The following RGS7 variants were observed in gnomAD, a reference collection of about 807,000 sequenced individuals.
RGS7 encodes regulator of G-protein signaling 7.
A neutral mutation model predicts 81.1 loss-of-function variants in RGS7; 27 were observed. The ratio of observed to expected loss-of-function variants is 0.33; its 90% CI spans 0.25 to 0.46. The LOEUF is 0.46. RGS7 is among the 20% of genes least tolerant of loss of function. The pLI is 1.00. For synonymous variants in RGS7, 208 were observed against 207.7 expected, an observed-to-expected ratio of 1.00 and a Z score of -0.01; for missense variants, 396 against 607.4, an observed-to-expected ratio of 0.65 and a Z score of 3.66.
At chr1:241,225,934 G>A (rs1558209933) in intron 2 of RGS7, among the ~76,000 whole-genome samples, 1 of 152,144 alleles carries the variant, frequency 6.6e-6, no homozygotes, top group African/African-American at 2.4e-5. Flanking sequence ...TGATCCTTTG[G>A]TACTAAACAG....
intron 18 of RGS7, among the ~76,000 whole-genome samples, chr1:240,779,784 A>G (rs1683661824): frequency 6.6e-6 from 1 of 152,208 alleles, no homozygotes; most frequent in South Asian, 2.1e-4. Flanking sequence ...GAATGATACA[A>G]GTAAATTGCT....
At chr1:241,294,076 G>A (rs2148464970) in intron 2 of RGS7, among the ~76,000 whole-genome samples, 1 of 152,340 alleles carries the variant, frequency 6.6e-6, no homozygotes, top group South Asian at 2.1e-4. Context: ...TAAAGAAAAT[G>A]TGGCACATAC....
At chr1:240,936,451 C>A in intron 5 of RGS7, 149 bp downstream of exon 5, 2 of 656,838 alleles carry the variant, frequency 3.0e-6, no homozygotes, top group Non-Finnish European at 5.4e-6. Context: ...CTTTTTATGT[C>A]TTTAGTTTAA....
chr1:240,976,847 A>G (rs1684160086), intron 4 of RGS7, among the ~76,000 whole-genome samples: 1 of 88,806 alleles, frequency 1.1e-5, no homozygotes, highest in Non-Finnish European at 2.5e-5. Context: ...TTTATCTATC[A>G]TCTATCTATC....
At chr1:240,812,383 G>A (rs1690003218) in intron 13 of RGS7, among the ~76,000 whole-genome samples, 1 of 151,214 alleles carries the variant, frequency 6.6e-6, no homozygotes, top group African/African-American at 2.4e-5. Flanking sequence ...TGTCAGGCAA[G>A]TAATAAGGGG....
At chr1:241,269,483 G>C (rs897725177) in intron 2 of RGS7, among the ~76,000 whole-genome samples, 2 of 152,232 alleles carry the variant, frequency 1.3e-5, no homozygotes, top group African/African-American at 4.8e-5. Flanking sequence ...GGTGGTAAGA[G>C]CAGTAATACA....
At position 240,868,736 on chromosome 1, in the gene RGS7, CA is replaced by C. The variant is rs1156551391; in HGVS notation, c.527+39del. ...AGTGCCTCTCTGAACAAAAAGGCCA[CA>C]ACTGGAACAAATCTTCCAAACGACT... On this transcript the variant is annotated intron_variant, in intron 8 of 18. Transcript: ENST00000440928. The surrounding 1 kb of genome is among the most constrained non-coding windows in gnomAD (Gnocchi z 5.1). The C allele has an allele frequency of 1.9e-6, 3 of 1,612,342 alleles. No homozygotes were observed. Among genetic ancestry groups the C allele is most frequent in the Non-Finnish European group, 2.5e-6 (3 of 1,178,446 alleles).
At chr1:241,268,782 TC>T (rs2077726499) in intron 2 of RGS7, among the ~76,000 whole-genome samples, 2 of 152,290 alleles carry the variant, frequency 1.3e-5, no homozygotes, top group South Asian at 2.1e-4. Context: ...GCTTTGTCCC[TC>T]CGCTGGATCA....
intron 3 of RGS7, among the ~76,000 whole-genome samples, chr1:241,002,076 A>G (rs1032530239): frequency 6.6e-6 from 1 of 152,146 alleles, no homozygotes; most frequent in Non-Finnish European, 1.5e-5. Flanking sequence ...GGTATATGAG[A>G]GTAAGAGGTA....
At chr1:241,151,277 C>T (rs774594967) in intron 2 of RGS7, among the ~76,000 whole-genome samples, 5 of 152,120 alleles carry the variant, frequency 3.3e-5, no homozygotes, top group East Asian at 1.9e-4. Flanking sequence ...GAAAGAGAGA[C>T]GGTAGCGGAT....
At chr1:241,261,196 G>A (rs147721088) in intron 2 of RGS7, among the ~76,000 whole-genome samples, 1 of 152,144 alleles carries the variant, frequency 6.6e-6, no homozygotes, top group Non-Finnish European at 1.5e-5. Flanking sequence ...GACAGGCACT[G>A]GGGAAGAGGG....
chr1:241,306,375 G>A (rs1238372709), intron 2 of RGS7, among the ~76,000 whole-genome samples: 5 of 142,810 alleles, frequency 3.5e-5, no homozygotes, highest in South Asian at 2.3e-4. Context: ...CCACACACAC[G>A]CACACACCCT....
intron 2 of RGS7, among the ~76,000 whole-genome samples, chr1:241,278,654 C>A (rs372490682): frequency 6.6e-6 from 1 of 152,176 alleles, no homozygotes; most frequent in East Asian, 1.9e-4. Context: ...CCTTTTCCAC[C>A]AGCCCACACA....
intron 3 of RGS7, among the ~76,000 whole-genome samples, chr1:241,017,182 G>A (rs1041879842): frequency 6.6e-6 from 1 of 152,058 alleles, no homozygotes; most frequent in Admixed American, 6.6e-5. Context: ...TACTACTATT[G>A]CTTTAAATGA....
intron 2 of RGS7, among the ~76,000 whole-genome samples, chr1:241,174,835 AG>A (rs2070986808): frequency 6.9e-6 from 1 of 144,776 alleles, no homozygotes; most frequent in Non-Finnish European, 1.5e-5. Context: ...AGCTCCTTTT[AG>A]TGTGTTCAGA....
rs934752104 is a variant in RGS7, at chr1:240,868,003, A to AAG, written c.609+582_609+583dup. The stretch of plus-strand genomic sequence containing the variant: ...GCCACAGAGCCAGATCCCATAAAAA[A>AAG]AGAGAGAGAGAGAAAGAAAGAAAAG... On this transcript the variant is annotated intron_variant, in intron 9 of 18. Coordinates refer to ENST00000440928, the MANE Select transcript of RGS7 (RefSeq NM_001364886.1). This position sits in a 1 kb window ranked among gnomAD's most constrained non-coding sequence, Gnocchi z 5.1. Among the ~76,000 whole-genome samples the AAG allele has an allele frequency of 6.6e-6, 1 of 151,434 alleles. No individual in the cohort carries two copies. Among genetic ancestry groups the AAG allele is most frequent in the Non-Finnish European group, 1.5e-5 (1 of 67,910 alleles).
chr1:241,175,766 C>T (rs1416132321), intron 2 of RGS7, among the ~76,000 whole-genome samples: 1 of 152,010 alleles, frequency 6.6e-6, no homozygotes, highest in Non-Finnish European at 1.5e-5. Context: ...CTTTATTTAG[C>T]GATGGGAGCA....
chr1:240,848,511 A>G (rs1189411957), intron 9 of RGS7, among the ~76,000 whole-genome samples: 2 of 152,104 alleles, frequency 1.3e-5, no homozygotes, highest in African/African-American at 4.8e-5. Flanking sequence ...CCATTTTCAA[A>G]TTTTCAGAAT....
At chr1:241,152,125 C>T (rs944662572) in intron 2 of RGS7, among the ~76,000 whole-genome samples, 3 of 147,542 alleles carry the variant, frequency 2.0e-5, no homozygotes, top group Non-Finnish European at 3.0e-5. Context: ...CCAATAATTC[C>T]AGCTCATTAG....
Sources: gnomAD v4.1 joint callset for allele counts (sites outside exome capture counted in the v4.1 genomes callset) on GRCh38, gnomAD v4.1.1 for gene constraint, Gnocchi (gnomAD v3.1) non-coding constraint, MANE v1.5 for transcripts, NCBI Gene and HGNC (gene_info 2026-07-23, HGNC 2026-07-21) for gene names.